The following OPCML variants were observed in gnomAD, a reference collection of about 807,000 sequenced individuals.
OPCML encodes the protein opioid binding protein/cell adhesion molecule like.
A neutral mutation model predicts 37.8 loss-of-function variants in OPCML; 13 were observed. The ratio of observed to expected loss-of-function variants is 0.34; its 90% CI spans 0.22 to 0.55. OPCML has a LOEUF of 0.55. Among genes scored for constraint, OPCML ranks in the 20% least tolerant of loss-of-function variants. The pLI is 0.91. For synonymous variants in OPCML, 176 were observed against 168.8 expected, an observed-to-expected ratio of 1.04 and a Z score of -0.33; for missense variants, 341 against 435.6, an observed-to-expected ratio of 0.78 and a Z score of 1.93.
At chr11:132,802,934 C>T (rs761887266) in intron 2 of OPCML, among the ~76,000 whole-genome samples, 2 of 152,184 alleles carry the variant, frequency 1.3e-5, no homozygotes, top group Non-Finnish European at 2.9e-5. Flanking sequence ...AGTACTTAGA[C>T]TTCACTTAGA....
chr11:133,415,450 T>C (rs960166937), intron 1 of OPCML, among the ~76,000 whole-genome samples: 2 of 151,012 alleles, frequency 1.3e-5, no homozygotes, highest in Admixed American at 1.3e-4. Context: ...AGATCTGGTG[T>C]GGAGTCCACA....
intron 1 of OPCML, chr11:133,024,235 T>G: frequency 2.2e-6 from 1 of 447,632 alleles, no homozygotes; most frequent in Non-Finnish European, 3.0e-6. Flanking sequence ...CTCAGGCAGG[T>G]TGGTGGGGGG....
chr11:133,418,598 G>A, intron 1 of OPCML: 1 of 293,524 alleles, frequency 3.4e-6, no homozygotes, highest in Non-Finnish European at 5.1e-6. Context: ...CCTGGGTGTG[G>A]GCCAAGCTTA....
intron 1 of OPCML, among the ~76,000 whole-genome samples, chr11:133,363,179 G>A (rs900627822): frequency 2.0e-5 from 3 of 152,308 alleles, no homozygotes; most frequent in South Asian, 2.1e-4. Context: ...CAAAGGCCCC[G>A]CGGCTACTGG....
At chr11:132,843,091 TC>T (rs60890371) in intron 2 of OPCML, among the ~76,000 whole-genome samples, 711 of 49,990 alleles carry the variant, frequency 0.014, 12 homozygotes, top group African/African-American at 0.037. Context: ...CCTTTTTCTT[TC>T]TTTTTTTTTT....
chr11:133,507,112 G>T (rs1289090202), intron 1 of OPCML, among the ~76,000 whole-genome samples: 2 of 152,226 alleles, frequency 1.3e-5, no homozygotes, highest in Non-Finnish European at 2.9e-5. Flanking sequence ...AAACAGAGAA[G>T]ACCGTTATCC....
At chr11:132,624,188 T>G (rs2137938083) in intron 3 of OPCML, among the ~76,000 whole-genome samples, 1 of 152,280 alleles carries the variant, frequency 6.6e-6, no homozygotes, top group Middle Eastern at 3.4e-3. Context: ...AATAATAACC[T>G]TATGGTTTAA....
At chr11:132,844,227 G>A (rs554279724) in intron 2 of OPCML, among the ~76,000 whole-genome samples, 4 of 152,212 alleles carry the variant, frequency 2.6e-5, no homozygotes, top group East Asian at 1.9e-4. Flanking sequence ...GCCCAGTCTC[G>A]GGTATGTCTT....
chr11:133,058,305 C>T (rs1034393439), intron 1 of OPCML, among the ~76,000 whole-genome samples: 2 of 151,906 alleles, frequency 1.3e-5, no homozygotes, highest in African/African-American at 2.4e-5. Flanking sequence ...GAGTGAAGTT[C>T]CCCAGAAAGA....
chr11:133,160,712 AG>A (rs1164853338), intron 1 of OPCML, among the ~76,000 whole-genome samples: 2 of 152,160 alleles, frequency 1.3e-5, no homozygotes, highest in Non-Finnish European at 2.9e-5. Context: ...GAGCCTGGTG[AG>A]GGACCCCTCC....
At chr11:133,145,685 G>A (rs1435654313) in intron 1 of OPCML, among the ~76,000 whole-genome samples, 3 of 152,340 alleles carry the variant, frequency 2.0e-5, no homozygotes, top group East Asian at 1.9e-4. Flanking sequence ...AAGAAAGAGC[G>A]TGGAGGTAGG....
intron 1 of OPCML, among the ~76,000 whole-genome samples, chr11:133,374,969 T>C (rs900263481): frequency 6.6e-6 from 1 of 152,222 alleles, no homozygotes; most frequent in African/African-American, 2.4e-5. Context: ...CTAATTATAA[T>C]CTGACTAAGG....
intron 3 of OPCML, among the ~76,000 whole-genome samples, chr11:132,628,760 G>T (rs117911505): frequency 6.6e-6 from 1 of 152,054 alleles, no homozygotes; most frequent in African/African-American, 2.4e-5. Context: ...ATTGAATGAG[G>T]GGGGGCAGTT....
At chr11:133,164,402 G>A (rs1210308132) in intron 1 of OPCML, among the ~76,000 whole-genome samples, 3 of 152,192 alleles carry the variant, frequency 2.0e-5, no homozygotes, top group Non-Finnish European at 2.9e-5. Context: ...ATGAATAAAT[G>A]TTCTTGGTAA....
chr11:133,384,981 C>A (rs919986926), intron 1 of OPCML, among the ~76,000 whole-genome samples: 2 of 152,222 alleles, frequency 1.3e-5, no homozygotes, highest in African/African-American at 4.8e-5. Flanking sequence ...CAGGGTGGCC[C>A]CGAGGTCTCC....
chr11:132,568,770 G>C (rs1462418342), intron 3 of OPCML, among the ~76,000 whole-genome samples: 1 of 152,138 alleles, frequency 6.6e-6, no homozygotes, highest in Non-Finnish European at 1.5e-5. Flanking sequence ...AGTTTGTAGT[G>C]GTGTATGATG....
chr11:133,514,444 T>C (rs1433462185), intron 1 of OPCML, among the ~76,000 whole-genome samples: 3 of 152,238 alleles, frequency 2.0e-5, no homozygotes, highest in African/African-American at 7.2e-5. Flanking sequence ...GCTTCCCATG[T>C]GTGCTCCCTT....
chr11:133,527,602 C>T (rs1391399817), intron 1 of OPCML, among the ~76,000 whole-genome samples: 5 of 152,140 alleles, frequency 3.3e-5, no homozygotes, highest in Admixed American at 2.0e-4. Flanking sequence ...CTCCAACATG[C>T]GAGTTGCCTT....
At position 132,808,352 on chromosome 11, in the gene OPCML, G is replaced by A. The variant is rs868662664; in HGVS notation, c.146+134574C>T. ...GTTCAGCAGGAAGACCTGCCTGAAA[G>A]AAATTCCTGGCAGTGGGAACAGAAT... is the stretch of plus-strand genomic sequence containing the variant. On this transcript the variant is annotated intron_variant, in intron 2 of 7. Transcript: ENST00000524381. Among the ~76,000 whole-genome samples the A allele has an allele frequency of 5.9e-4, 90 of 152,236 alleles. 1 individual carries two copies. The highest frequency in any genetic ancestry group is 2.0e-3 in the African/African-American group (83 of 41,472).
Sources: allele counts gnomAD v4.1 joint callset (sites outside exome capture counted in the v4.1 genomes callset), GRCh38; gene constraint gnomAD v4.1.1; transcripts MANE v1.5; gene names NCBI Gene and HGNC (gene_info 2026-07-23, HGNC 2026-07-21).